BLNK: variants seen among roughly 807,000 people sequenced by gnomAD.
BLNK encodes the protein B-cell linker protein.
Under a neutral mutation model 73.5 loss-of-function variants are expected in BLNK, and 29 were observed. The observed-to-expected ratio is 0.39, with a 90% confidence interval of 0.29 to 0.54. BLNK has a LOEUF of 0.54. Ranked by LOEUF, BLNK falls within the 20% of genes least tolerant of loss-of-function variation. The pLI is 0.61. For missense variants in BLNK, 460 were observed against 562.8 expected (o/e 0.82, Z 1.85); for synonymous variants, 176 against 200.8 (o/e 0.88, Z 1.04).
intron 1 of BLNK, among the ~76,000 whole-genome samples, chr10:96,250,415 G>GGA (rs71486790): frequency 0.23 from 32,450 of 143,166 alleles, 4,446 homozygotes; most frequent in Non-Finnish European, 0.33. Flanking sequence ...AGAGAGAGGG[G>GGA]GAGAGAGAGA....
chr10:96,190,920 C>T lies in BLNK; in HGVS notation c.*1053G>A, dbSNP rs2083317785. Among the ~76,000 whole-genome samples the T allele has an allele frequency of 6.6e-6, 1 of 152,208 alleles. No individual in the cohort carries two copies. The highest frequency in any genetic ancestry group is 1.5e-5 in the Non-Finnish European group (1 of 68,044). On this transcript the variant is annotated 3_prime_UTR_variant, in exon 17 of 17. Coordinates refer to ENST00000224337, the MANE Select transcript of BLNK (RefSeq NM_013314.4). ...GGAACTGGCTTTTAGTCTAGCTTTGCTGTCATTCCACTTTGAAACTTGATA... is the reference window on the plus strand; with the variant it reads ...GGAACTGGCTTTTAGTCTAGCTTTGTTGTCATTCCACTTTGAAACTTGATA...
At chr10:96,219,281 G>A (rs2084139700) in intron 6 of BLNK, among the ~76,000 whole-genome samples, 2 of 152,210 alleles carry the variant, frequency 1.3e-5, no homozygotes, top group African/African-American at 2.4e-5. Context: ...TTTGAATAAT[G>A]GGATGTTGAG....
At chr10:96,261,409 T>C (rs113103879) in intron 1 of BLNK, among the ~76,000 whole-genome samples, 1,762 of 152,332 alleles carry the variant, frequency 0.012, 17 homozygotes, top group Non-Finnish European at 0.015. Flanking sequence ...GAAGCAGTCA[T>C]TGGCAATTTT....
chr10:96,189,950 A>C lies in BLNK; in HGVS notation c.*2023T>G, dbSNP rs2083303112. 1.7e-5 allele frequency: 16 copies of C among 924,246 alleles called. No individual in the cohort carries two copies. Among genetic ancestry groups the C allele is most frequent in the Non-Finnish European group, 2.7e-5 (15 of 565,676 alleles). 57.3% of individuals were successfully genotyped at this position (924,246 alleles called of 1,614,324 possible). A position where few individuals can be genotyped will look rare whatever the true frequency, so the allele number is the denominator to read the frequency against. ...AAGCACTGGTGGTGTTATTTCAAAG[A>C]CCCCAAGGGAAACTGTTGGCTGTAC... On this transcript the variant is annotated 3_prime_UTR_variant, in exon 17 of 17. Transcript: ENST00000224337.
chr10:96,222,840 G>A (rs1056850237), intron 6 of BLNK, among the ~76,000 whole-genome samples: 7 of 152,194 alleles, frequency 4.6e-5, no homozygotes, highest in Non-Finnish European at 1.0e-4. Context: ...TGGCGACAGT[G>A]TTACAGTGGG....
chr10:96,266,133 A>G (rs1383458685), intron 1 of BLNK, among the ~76,000 whole-genome samples: 1 of 152,252 alleles, frequency 6.6e-6, no homozygotes, highest in East Asian at 1.9e-4. Flanking sequence ...ACCTTCTTTG[A>G]AAATGAACCA....
In BLNK at chr10:96,189,971, T is replaced by A. The variant is rs2083303428; in HGVS notation, c.*2002A>T. On this transcript the variant is annotated 3_prime_UTR_variant, in exon 17 of 17. Coordinates refer to ENST00000224337, the MANE Select transcript of BLNK (RefSeq NM_013314.4). ...AAAGACCCCAAGGGAAACTGTTGGC[T>A]GTACAGACATTTTCAAAGGTGCCAG... 5 of 865,666 alleles carry A rather than the reference T, an allele frequency of 5.8e-6. No individual in the cohort carries two copies. The highest frequency in any genetic ancestry group is 9.8e-6 in the Non-Finnish European group (5 of 512,172). 53.6% of individuals were successfully genotyped at this position (865,666 alleles called of 1,614,324 possible). A position where few individuals can be genotyped will look rare whatever the true frequency, so the allele number is the denominator to read the frequency against.
At chr10:96,251,179 T>A (rs149538538) in intron 1 of BLNK, among the ~76,000 whole-genome samples, 4,278 of 152,350 alleles carry the variant, frequency 0.028, 88 homozygotes, top group Non-Finnish European at 0.042. Flanking sequence ...GTCTATAGAC[T>A]GCTTTGTTAC....
At chr10:96,246,952 A>G (rs1843067181) in intron 2 of BLNK, 32 bp downstream of exon 2, 1 of 1,460,094 alleles carries the variant, frequency 6.8e-7, no homozygotes, top group Non-Finnish European at 9.5e-7. Context: ...CTTATTTTAT[A>G]TAATTAAGTA....
intron 1 of BLNK, among the ~76,000 whole-genome samples, chr10:96,250,790 C>G (rs1164493473): frequency 6.6e-6 from 1 of 152,166 alleles, no homozygotes; most frequent in Non-Finnish European, 1.5e-5. Context: ...TTGGCATTTC[C>G]TAATTACTTT....
intron 3 of BLNK, among the ~76,000 whole-genome samples, chr10:96,236,217 G>A (rs369280549): frequency 4.5e-4 from 68 of 152,220 alleles, no homozygotes; most frequent in African/African-American, 1.6e-3. Flanking sequence ...ATCCTGCTCT[G>A]GAGGCTACCC....
chr10:96,209,803 G>A (rs1554898285), intron 9 of BLNK, 35 bp downstream of exon 9: 1 of 1,613,482 alleles, frequency 6.2e-7, no homozygotes, highest in Admixed American at 1.7e-5. Context: ...TCACTCCCCA[G>A]ATCTCAAAAG....
At chr10:96,212,806 G>T (rs782325602) in intron 8 of BLNK, among the ~76,000 whole-genome samples, 2 of 152,216 alleles carry the variant, frequency 1.3e-5, no homozygotes, top group African/African-American at 2.4e-5. Flanking sequence ...GTTATTCAAA[G>T]ACACAGGCTA....
intron 4 of BLNK, among the ~76,000 whole-genome samples, chr10:96,228,213 C>G (rs1417656513): frequency 4.0e-5 from 6 of 151,728 alleles, no homozygotes; most frequent in African/African-American, 1.5e-4. Context: ...GATTCTCCTG[C>G]CCTAGTCTCC....
rs201179187 is a variant in BLNK, at chr10:96,209,919, T to A, written c.677-12A>T. On this transcript the variant is annotated splice_polypyrimidine_tract_variant and intron_variant, in intron 8 of 16. Coordinates refer to ENST00000224337, the MANE Select transcript of BLNK (RefSeq NM_013314.4). ...CCCACTGTTTCGACCTGCACAAACA[T>A]ATACACTACTCAGTCCCCAAGTCCT... The A allele has an allele frequency of 3.1e-6, 5 of 1,614,130 alleles. No individual in the cohort carries two copies. In the South Asian group the frequency reaches 5.5e-5, roughly 18 times the overall value.
chr10:96,231,247 A>G (rs1353531204), intron 3 of BLNK, among the ~76,000 whole-genome samples: 2 of 152,336 alleles, frequency 1.3e-5, no homozygotes, highest in East Asian at 1.9e-4. Context: ...AGTGTGGGCA[A>G]GACCTCTAAC....
chr10:96,217,449 T>C (rs587620180), intron 6 of BLNK, among the ~76,000 whole-genome samples: 1 of 152,324 alleles, frequency 6.6e-6, no homozygotes, highest in African/African-American at 2.4e-5. Context: ...GGGCTCCAGT[T>C]TTTTCATATC....
intron 3 of BLNK, among the ~76,000 whole-genome samples, chr10:96,232,824 T>C (rs1842555999): frequency 6.6e-6 from 1 of 151,750 alleles, no homozygotes; most frequent in African/African-American, 2.4e-5. Context: ...AGTCTTTTTT[T>C]TTTTTTTTGA....
At chr10:96,209,226 G>A (rs2083891932) in intron 9 of BLNK, among the ~76,000 whole-genome samples, 1 of 152,056 alleles carries the variant, frequency 6.6e-6, no homozygotes, top group Non-Finnish European at 1.5e-5. Flanking sequence ...ATAAAACTGA[G>A]CAGCAGTAAG....
Sources: gnomAD v4.1 joint callset for allele counts (sites outside exome capture counted in the v4.1 genomes callset) on GRCh38, gnomAD v4.1.1 for gene constraint, MANE v1.5 for transcripts, NCBI Gene and HGNC (gene_info 2026-07-23, HGNC 2026-07-21) for gene names.